Variants in PCDHA10 observed in about 807,000 individuals in gnomAD.
PCDHA10 encodes the protein protocadherin alpha-10.
PCDHA10 carries 45 observed loss-of-function variants against 61.2 expected under a neutral mutation model. The ratio of observed to expected loss-of-function variants is 0.74; its 90% confidence interval spans 0.58 to 0.94. The LOEUF (loss-of-function observed/expected upper bound fraction) is 0.94, where lower values mean the gene tolerates loss of function less well. PCDHA10 is among the 40% of genes least tolerant of loss of function. The probability of loss-of-function intolerance (pLI) is 0.00; values close to 1 mark genes in which losing one functional copy is unlikely to be tolerated. For synonymous variants in PCDHA10, 602 were observed against 548.8 expected, an observed-to-expected ratio of 1.10 and a Z score of -1.35; for missense variants, 1,278 against 1,236.2, an observed-to-expected ratio of 1.03 and a Z score of -0.51.
intron 1 of PCDHA10, chr5:140,928,156 T>G (rs1554205560): frequency 6.2e-7 from 1 of 1,614,188 alleles, no homozygotes; most frequent in East Asian, 2.2e-5. Context: ...AGATAGTGGC[T>G]CACCCCCACT....
intron 1 of PCDHA10, among the ~76,000 whole-genome samples, chr5:140,913,410 C>A (rs375204256): frequency 6.6e-6 from 1 of 152,040 alleles, no homozygotes; most frequent in Non-Finnish European, 1.5e-5. Flanking sequence ...CCTTTGAATT[C>A]CTGCAGTATC....
intron 1 of PCDHA10, among the ~76,000 whole-genome samples, chr5:140,945,754 G>T (rs1206591237): frequency 1.3e-5 from 2 of 152,078 alleles, no homozygotes; most frequent in African/African-American, 4.8e-5. Context: ...TTCAATAAAT[G>T]GTGGTGGGAC....
At chr5:140,916,270 G>T (rs1487301756) in intron 1 of PCDHA10, among the ~76,000 whole-genome samples, 2 of 152,180 alleles carry the variant, frequency 1.3e-5, no homozygotes, top group Non-Finnish European at 2.9e-5. Context: ...GAGCATGCTT[G>T]TTGCTCTACT....
chr5:140,869,192 A>T (rs782002128), intron 1 of PCDHA10: 2 of 1,613,882 alleles, frequency 1.2e-6, no homozygotes, highest in East Asian at 4.5e-5. Flanking sequence ...GGGAGCGGCC[A>T]GCTCCACTAC....
intron 1 of PCDHA10, among the ~76,000 whole-genome samples, chr5:140,888,721 G>A (rs1176739860): frequency 6.6e-6 from 1 of 151,970 alleles, no homozygotes; most frequent in Non-Finnish European, 1.5e-5. Flanking sequence ...AATATTTCCA[G>A]CCCTTTGTGA....
At chr5:140,960,067 A>T (rs1423900287) in intron 1 of PCDHA10, among the ~76,000 whole-genome samples, 1 of 152,228 alleles carries the variant, frequency 6.6e-6, no homozygotes, top group East Asian at 1.9e-4. Context: ...AGAAGATTCA[A>T]TTGAAGTTTC....
At chr5:140,991,991 T>C (rs1420188681) in intron 3 of PCDHA10, among the ~76,000 whole-genome samples, 1 of 151,444 alleles carries the variant, frequency 6.6e-6, no homozygotes, top group Admixed American at 6.6e-5. Context: ...TACCACCCGG[T>C]CTTTCATGTT....
At chr5:140,961,458 G>A (rs1371131275) in intron 1 of PCDHA10, among the ~76,000 whole-genome samples, 2 of 152,150 alleles carry the variant, frequency 1.3e-5, no homozygotes, top group Non-Finnish European at 2.9e-5. Context: ...TCTTGCAGCT[G>A]CCTTTCTTTT....
At chr5:140,934,684 A>G (rs1026507859) in intron 1 of PCDHA10, among the ~76,000 whole-genome samples, 1 of 152,178 alleles carries the variant, frequency 6.6e-6, no homozygotes, top group African/African-American at 2.4e-5. Context: ...TATTCAAAAC[A>G]ATGAATTGAT....
Position 140,857,161 on chromosome 5 carries a change from C to G in PCDHA10, c.1113C>G (p.Ile371Met), listed in dbSNP as rs782653443. ...AAGTGGGCACCGTCATTGCCCTAAT[C>G]AGCGTTTCTGACCATGATTCAGGAG... Reference protein sequence around the residue: ...DAQVGTVIALISVSDHDSGAN... With the variant: ...DAQVGTVIALMSVSDHDSGAN... The change falls in exon 1 of 4, where the codon ATC (isoleucine) becomes ATG (methionine). Residue 371 changes from isoleucine (I) to methionine (M), a missense_variant. By Grantham distance (10) the Ile-to-Met change is conservative. Transcript: ENST00000307360. 1 of 1,598,332 alleles carries G rather than the reference C, an allele frequency of 6.3e-7. No homozygotes were observed. The highest frequency in any genetic ancestry group is 8.6e-7 in the Non-Finnish European group (1 of 1,167,858).
intron 1 of PCDHA10, among the ~76,000 whole-genome samples, chr5:140,904,286 T>A (rs2071021710): frequency 6.6e-6 from 1 of 152,150 alleles, no homozygotes; most frequent in South Asian, 2.1e-4. Context: ...ATGTGGTGTT[T>A]GGTTTTCCAT....
At chr5:140,865,279 T>C (rs2048807818) in intron 1 of PCDHA10, 1 of 152,232 alleles carries the variant, frequency 6.6e-6, no homozygotes, top group African/African-American at 2.4e-5. Flanking sequence ...TATGTAAAAT[T>C]ACTTTGCTCT....
At chr5:141,006,238 G>T (rs1298883912) in intron 3 of PCDHA10, among the ~76,000 whole-genome samples, 1 of 151,428 alleles carries the variant, frequency 6.6e-6, no homozygotes, top group East Asian at 1.9e-4. Flanking sequence ...TTTAGATGGA[G>T]TCTTGCTCTG....
At position 141,009,850 on chromosome 5, in the gene PCDHA10, CAAGAAAAAG is replaced by C. The variant is rs782749911; in HGVS notation, c.2775_2783del (p.Lys926_Lys928del). 6.2e-6 allele frequency: 10 copies of C among 1,613,454 alleles called. No individual in the cohort carries two copies. The highest frequency in any genetic ancestry group is 1.7e-5 in the Admixed American group (1 of 59,950). ...TAACCTTCGGCAAAAAGGAGGAGAC[CAAGAAAAAG>C]AAGAAAAAGAAGAAGGGTAACAAGA... is the stretch of plus-strand genomic sequence containing the variant. On this transcript the variant is annotated inframe_deletion, in exon 4 of 4. Coordinates refer to ENST00000307360, the MANE Select transcript of PCDHA10 (RefSeq NM_018901.4).
rs1563650230 is a variant in PCDHA10, at chr5:141,000,393, C to CTA, written c.2537-9233_2537-9232insAT. Among the ~76,000 whole-genome samples, 150 of 52,842 alleles carry CTA rather than the reference C, an allele frequency of 2.8e-3. 1 individual carries two copies. The highest frequency in any genetic ancestry group is 4.0e-3 in the Non-Finnish European group (125 of 31,360). 34.7% of individuals were successfully genotyped at this position (52,842 alleles called of 152,430 possible). A position where few individuals can be genotyped will look rare whatever the true frequency, so the allele number is the denominator to read the frequency against. On this transcript the variant is annotated intron_variant, in intron 3 of 3. Coordinates refer to ENST00000307360, the MANE Select transcript of PCDHA10 (RefSeq NM_018901.4). ...TCTCTCTCTCTCTCTCTCTCTCTCT[C>CTA]TCTATATATATATATATATATATAT... is the stretch of plus-strand genomic sequence containing the variant.
intron 1 of PCDHA10, among the ~76,000 whole-genome samples, chr5:140,894,564 T>C (rs1554186142): frequency 6.6e-6 from 1 of 151,978 alleles, no homozygotes; most frequent in Non-Finnish European, 1.5e-5. Context: ...GAAAAAATTA[T>C]TTTCCTTTTT....
At chr5:140,989,546 CT>C (rs1343132361) in intron 3 of PCDHA10, among the ~76,000 whole-genome samples, 1 of 152,140 alleles carries the variant, frequency 6.6e-6, no homozygotes, top group African/African-American at 2.4e-5. Context: ...TTTGTAATTC[CT>C]TTACGTTTTG....
chr5:140,859,907 T>G (rs982789282), intron 1 of PCDHA10: 3 of 150,386 alleles, frequency 2.0e-5, no homozygotes, highest in African/African-American at 5.0e-5. Context: ...CCTTAATGTC[T>G]TATATTATAA....
intron 1 of PCDHA10, chr5:140,870,988 G>T: frequency 6.2e-7 from 1 of 1,613,492 alleles, no homozygotes; most frequent in Non-Finnish European, 8.5e-7. Flanking sequence ...GTACACGGGC[G>T]AGATAAGCAC....
Sources: allele counts gnomAD v4.1 joint callset (sites outside exome capture counted in the v4.1 genomes callset), GRCh38; gene constraint gnomAD v4.1.1; transcripts MANE v1.5; gene names NCBI Gene and HGNC (gene_info 2026-07-23, HGNC 2026-07-21).